The following TIAM2 variants were observed in gnomAD, a reference collection of about 807,000 sequenced individuals.
The protein encoded by TIAM2 is TIAM Rac1 associated GEF 2.
A neutral mutation model predicts 152.9 loss-of-function variants in TIAM2; 80 were observed. The ratio of observed to expected loss-of-function variants is 0.52; its 90% CI spans 0.44 to 0.63. The LOEUF is 0.63. Among genes scored for constraint, TIAM2 ranks in the 30% least tolerant of loss-of-function variants. TIAM2 has a pLI of 0.00. For missense variants in TIAM2, 1,965 were observed against 2,120.1 expected (o/e 0.93, Z 1.44); for synonymous variants, 804 against 838.0 (o/e 0.96, Z 0.70).
At chr6:154,998,784 G>A (rs1562508767) in intron 1 of TIAM2, among the ~76,000 whole-genome samples, 1 of 152,162 alleles carries the variant, frequency 6.6e-6, no homozygotes, top group East Asian at 1.9e-4. Context: ...GGGTCACTGA[G>A]CTTGTGTAGA....
chr6:155,230,785 A>AT (rs11403367), intron 15 of TIAM2, among the ~76,000 whole-genome samples: 87,576 of 151,438 alleles, frequency 0.58, 26,262 homozygotes, highest in East Asian at 0.96. Context: ...ATATTTATAT[A>AT]AGTAAATATA....
rs146766062 is a variant in TIAM2 at position 155,242,644 on chromosome 6, A to G, written c.3349-1367A>G. Among the ~76,000 whole-genome samples, 1,234 of 152,352 alleles carry G rather than the reference A, an allele frequency of 8.1e-3. 10 individuals carry two copies. The highest frequency in any genetic ancestry group is 0.014 in the Middle Eastern group (4 of 294). On this transcript the variant is annotated intron_variant, in intron 16 of 26. Coordinates refer to ENST00000682666, the MANE Select transcript of TIAM2 (RefSeq NM_012454.4). ...GTTATTATAGCTGACTTTGCAGTCA[A>G]CTGCTTCTAGTATTTTAGGACTCAA...
In TIAM2 at chr6:155,174,129, G is replaced by A. The variant is rs1480243267; in HGVS notation, c.2362-2687G>A. Among the ~76,000 whole-genome samples, 1 of 152,226 alleles carries A rather than the reference G, an allele frequency of 6.6e-6. No individual in the cohort carries two copies. Among genetic ancestry groups the A allele is most frequent in the African/African-American group, 2.4e-5 (1 of 41,458 alleles). ...ATAAAGGGAGTTAACTGCCAGGCGG[G>A]CATTCTGTGTAGTATAGTGGTGGTG... is the stretch of plus-strand genomic sequence containing the variant. On this transcript the variant is annotated intron_variant, in intron 9 of 26. Coordinates refer to ENST00000682666, the MANE Select transcript of TIAM2 (RefSeq NM_012454.4). The surrounding 1 kb of genome is among the most constrained non-coding windows in gnomAD (Gnocchi z 4.2).
chr6:155,078,219 T>C (rs1341437262), intron 1 of TIAM2, among the ~76,000 whole-genome samples: 1 of 152,134 alleles, frequency 6.6e-6, no homozygotes, highest in Non-Finnish European at 1.5e-5. Flanking sequence ...TAATTTTTTT[T>C]ATTTTTTGTG....
At chr6:155,040,629 G>C (rs1319879946) in intron 1 of TIAM2, among the ~76,000 whole-genome samples, 1 of 151,848 alleles carries the variant, frequency 6.6e-6, no homozygotes, top group Admixed American at 6.6e-5. Flanking sequence ...TGTGATTCTC[G>C]TGCCTCAGCC....
intron 7 of TIAM2, among the ~76,000 whole-genome samples, chr6:155,159,864 A>G (rs767790587): frequency 6.6e-6 from 1 of 152,216 alleles, no homozygotes; most frequent in Non-Finnish European, 1.5e-5. Context: ...TAAGATGACT[A>G]TGATCTTTCA....
At chr6:155,255,288 CTT>C in intron 26 of TIAM2, 1 of 152,256 alleles carries the variant, frequency 6.6e-6, no homozygotes, top group East Asian at 1.9e-4. Context: ...TAAGGGGCCT[CTT>C]ATACTCGTTC....
intron 2 of TIAM2, among the ~76,000 whole-genome samples, chr6:155,121,085 A>G (rs1410509207): frequency 4.6e-5 from 7 of 152,084 alleles, no homozygotes; most frequent in Non-Finnish European, 7.4e-5. Context: ...GCTAAAACCT[A>G]GAAGATTCTA....
intron 2 of TIAM2, among the ~76,000 whole-genome samples, chr6:155,105,361 G>A (rs534838672): frequency 6.6e-6 from 1 of 151,294 alleles, no homozygotes; most frequent in East Asian, 1.9e-4. Context: ...GTGTTGGCCA[G>A]GCTGATCTCA....
intron 1 of TIAM2, among the ~76,000 whole-genome samples, chr6:155,004,245 G>A (rs1778362594): frequency 6.6e-6 from 1 of 152,138 alleles, no homozygotes. Context: ...TTGGAAGGCT[G>A]GTCAGAGTCA....
intron 1 of TIAM2, among the ~76,000 whole-genome samples, chr6:155,034,347 T>C (rs933255637): frequency 6.6e-6 from 1 of 151,976 alleles, no homozygotes; most frequent in Non-Finnish European, 1.5e-5. Flanking sequence ...GCCTACCAGG[T>C]TCAAGCAATT....
chr6:155,109,926 T>C (rs1438901733), intron 2 of TIAM2, among the ~76,000 whole-genome samples: 1 of 149,036 alleles, frequency 6.7e-6, no homozygotes, highest in Non-Finnish European at 1.5e-5. Context: ...TGTGCAAATA[T>C]ATACAGACAA....
chr6:155,119,853 C>A (rs1779111158), intron 2 of TIAM2, among the ~76,000 whole-genome samples: 1 of 152,220 alleles, frequency 6.6e-6, no homozygotes, highest in Admixed American at 6.5e-5. Context: ...AATTTAGTTT[C>A]ATGAAACAAA....
chr6:155,141,555 A>G (rs1779707295), intron 5 of TIAM2, among the ~76,000 whole-genome samples: 1 of 152,192 alleles, frequency 6.6e-6, no homozygotes, highest in Non-Finnish European at 1.5e-5. Flanking sequence ...AGGGACGTAC[A>G]TGTTTTTCAA....
chr6:155,117,318 G>T lies in TIAM2; in HGVS notation c.-117-10172G>T, dbSNP rs1297280216. Among the ~76,000 whole-genome samples the T allele has an allele frequency of 2.0e-5, 3 of 152,032 alleles. No homozygotes were observed. In the East Asian group the frequency reaches 5.8e-4, roughly 29 times the overall value. On this transcript the variant is annotated intron_variant, in intron 2 of 26. Transcript: ENST00000682666. ...ATTCCCTGAAATATTTTCAGTTTCT[G>T]CAATGGCTCACATATAGCCGGGCCA...
chr6:155,049,486 A>ATGGG (rs1242310282), intron 1 of TIAM2, among the ~76,000 whole-genome samples: 3 of 152,076 alleles, frequency 2.0e-5, no homozygotes, highest in African/African-American at 7.2e-5. Context: ...CTCATTAGCA[A>ATGGG]TGGGTCATTA....
At chr6:155,219,440 A>T (rs1172316961) in intron 15 of TIAM2, among the ~76,000 whole-genome samples, 1 of 152,074 alleles carries the variant, frequency 6.6e-6, no homozygotes, top group Non-Finnish European at 1.5e-5. Context: ...AAGGACACAG[A>T]TCACCAGGGG....
At chr6:155,076,157 A>G (rs1054389934) in intron 1 of TIAM2, among the ~76,000 whole-genome samples, 2 of 152,124 alleles carry the variant, frequency 1.3e-5, no homozygotes, top group Non-Finnish European at 2.9e-5. Context: ...CAGATCCTTC[A>G]TAATAATTGG....
At chr6:155,029,613 GTA>G (rs1776778070) in intron 1 of TIAM2, among the ~76,000 whole-genome samples, 1 of 67,770 alleles carries the variant, frequency 1.5e-5, no homozygotes, top group African/African-American at 6.9e-5. Flanking sequence ...ATATAACTCT[GTA>G]TATATGTATA....
Sources: gnomAD v4.1 joint callset for allele counts (sites outside exome capture counted in the v4.1 genomes callset) on GRCh38, gnomAD v4.1.1 for gene constraint, Gnocchi (gnomAD v3.1) non-coding constraint, MANE v1.5 for transcripts, NCBI Gene and HGNC (gene_info 2026-07-23, HGNC 2026-07-21) for gene names.